Variants in SPOPL observed in about 807,000 individuals in gnomAD.
SPOPL encodes the protein speckle-type POZ protein-like.
Under a neutral mutation model 53.8 loss-of-function variants are expected in SPOPL, and 23 were observed. The observed-to-expected ratio is 0.43, with a 90% CI of 0.31 to 0.61. SPOPL has a LOEUF of 0.61. Among genes scored for constraint, SPOPL ranks in the 20% least tolerant of loss-of-function variants. SPOPL has a pLI of 0.12. For missense variants in SPOPL, 442 were observed against 466.9 expected (o/e 0.95, Z 0.49); for synonymous variants, 164 against 149.7 (o/e 1.10, Z -0.70).
chr2:138,536,889 A>T (rs1315677141), intron 1 of SPOPL, among the ~76,000 whole-genome samples: 1 of 152,218 alleles, frequency 6.6e-6, no homozygotes, highest in African/African-American at 2.4e-5. Context: ...GGAAGGAACA[A>T]TGGTATTTCT....
At chr2:138,558,622 A>C (rs188277853) in intron 5 of SPOPL, among the ~76,000 whole-genome samples, 2 of 152,158 alleles carry the variant, frequency 1.3e-5, no homozygotes, top group Non-Finnish European at 2.9e-5. Context: ...GTTTATGTAC[A>C]TATAGTAAAA....
rs1437793318 is a variant in SPOPL, at chr2:138,572,580, T to C, written c.*3500T>C. 6.6e-6 allele frequency: 1 copy of C among 152,592 alleles called. No individual in the cohort carries two copies. Among genetic ancestry groups the C allele is most frequent in the Non-Finnish European group, 1.5e-5 (1 of 68,000 alleles). 9.5% of individuals were successfully genotyped at this position (152,592 alleles called of 1,614,324 possible). A position where few individuals can be genotyped will look rare whatever the true frequency, so the allele number is the denominator to read the frequency against. ...TGAATTATTCTGACTTGGACATGCA[T>C]GCTCTTTGATGGATAAAATAAAAAT... On this transcript the variant is annotated 3_prime_UTR_variant, in exon 11 of 11. Transcript: ENST00000280098.
rs1013387499 is a variant in SPOPL at position 138,502,441 on chromosome 2, TCTC to T, written c.-61+329_-61+331del. Among the ~76,000 whole-genome samples, 6 of 152,276 alleles carry T rather than the reference TCTC, an allele frequency of 3.9e-5. No individual in the cohort carries two copies. The South Asian group carries it at 8.3e-4, about 21-fold the overall frequency. On this transcript the variant is annotated intron_variant, in intron 1 of 10. Coordinates refer to ENST00000280098, the MANE Select transcript of SPOPL (RefSeq NM_001001664.3). ...TCGCCCCTTCTTTTCCTCTGGCTTC[TCTC>T]CTCCTCTATACCTGTATACCTCCAC...
In SPOPL at chr2:138,569,058, G is replaced by T; in HGVS notation, c.1157G>T (p.Arg386Leu). Residue 386 changes from arginine to leucine, a missense_variant, in exon 11 of 11, where the codon CGC becomes CTC. Transcript: ENST00000280098. ...SAQCPQFGIP[R>L]KRLKQS ...CAGTGTCCACAGTTTGGCATTCCACGCAAACGGCTAAAACAGTCCTGAAAT... is the reference window on the plus strand; with the variant it reads ...CAGTGTCCACAGTTTGGCATTCCACTCAAACGGCTAAAACAGTCCTGAAAT... 1 of 1,613,436 alleles carries T rather than the reference G, an allele frequency of 6.2e-7. No homozygotes were observed. Among genetic ancestry groups the T allele is most frequent in the South Asian group, 1.1e-5 (1 of 90,994 alleles).
rs543249661 is a variant in SPOPL at position 138,502,594 on chromosome 2, C to A, written c.-61+475C>A. ...ACTTGAAACTCTCGTCCCTGTTAGCCCATTTTAGGCAGAGTTCTCAGCTTC... is the reference window on the plus strand; with the variant it reads ...ACTTGAAACTCTCGTCCCTGTTAGCACATTTTAGGCAGAGTTCTCAGCTTC... On this transcript the variant is annotated intron_variant, in intron 1 of 10. Transcript: ENST00000280098. 8.7e-4 allele frequency among the ~76,000 whole-genome samples: 132 copies of A among 152,276 alleles called. 1 individual carries two copies. In the Middle Eastern group the frequency reaches 0.014, roughly 16 times the overall value.
intron 1 of SPOPL, among the ~76,000 whole-genome samples, chr2:138,539,208 A>G (rs1685007071): frequency 6.7e-6 from 1 of 149,206 alleles, no homozygotes; most frequent in Non-Finnish European, 1.5e-5. Context: ...TGCAATAAAC[A>G]TATGTGTGCA....
chr2:138,528,522 G>T (rs559456536), intron 1 of SPOPL, among the ~76,000 whole-genome samples: 2 of 152,214 alleles, frequency 1.3e-5, no homozygotes, highest in Middle Eastern at 3.4e-3. Context: ...TCATCTCATT[G>T]AGTATCGTGT....
chr2:138,551,075 G>T, intron 4 of SPOPL, 21 bp downstream of exon 4: 1 of 1,611,276 alleles, frequency 6.2e-7, no homozygotes, highest in Non-Finnish European at 8.5e-7. Flanking sequence ...TGCAAACTAA[G>T]TGAAGACATT....
chr2:138,518,046 C>CAAAAAAAA (rs61662616), intron 1 of SPOPL, among the ~76,000 whole-genome samples: 1 of 67,784 alleles, frequency 1.5e-5, no homozygotes, highest in Non-Finnish European at 3.2e-5. Flanking sequence ...GAAACTGTCT[C>CAAAAAAAA]AAAAAAAAAA....
rs955023429 is a variant in SPOPL at position 138,573,393 on chromosome 2, A to G, written c.*4313A>G. 9.9e-5 allele frequency: 15 copies of G among 152,212 alleles called. No individual in the cohort carries two copies. The highest frequency in any genetic ancestry group is 1.8e-4 in the Non-Finnish European group (12 of 68,030). 9.4% of individuals were successfully genotyped at this position (152,212 alleles called of 1,614,324 possible). On this transcript the variant is annotated 3_prime_UTR_variant, in exon 11 of 11. Transcript: ENST00000280098. ...TTGTTTTTTGGAACCAATTGAAGAC[A>G]TTCTTAACTGTAAAATATTAATATG...
intron 1 of SPOPL, among the ~76,000 whole-genome samples, chr2:138,525,664 A>AAAAAAAC (rs72194555): frequency 7.8e-4 from 30 of 38,592 alleles, no homozygotes; most frequent in South Asian, 1.4e-3. Context: ...TAGAAAAAAA[A>AAAAAAAC]AAAAAAAAAA....
intron 1 of SPOPL, among the ~76,000 whole-genome samples, chr2:138,519,235 T>G (rs1459718129): frequency 6.6e-6 from 1 of 152,230 alleles, no homozygotes; most frequent in African/African-American, 2.4e-5. Flanking sequence ...CATTAATTCT[T>G]TACTAGTGGT....
intron 1 of SPOPL, among the ~76,000 whole-genome samples, chr2:138,507,182 G>A (rs934909433): frequency 2.6e-5 from 4 of 152,092 alleles, no homozygotes; most frequent in South Asian, 2.1e-4. Context: ...TTAATCTGCC[G>A]AAGTTACAAT....
At chr2:138,535,438 C>T (rs1684906887) in intron 1 of SPOPL, among the ~76,000 whole-genome samples, 2 of 150,770 alleles carry the variant, frequency 1.3e-5, no homozygotes, top group East Asian at 2.0e-4. Context: ...TTTTCCACAG[C>T]GGTTAAACCA....
intron 1 of SPOPL, among the ~76,000 whole-genome samples, chr2:138,515,373 GT>G (rs1257219424): frequency 1.3e-5 from 2 of 152,130 alleles, no homozygotes; most frequent in Non-Finnish European, 2.9e-5. Context: ...ATTCTGTGGG[GT>G]TTTGCTACAG....
intron 8 of SPOPL, among the ~76,000 whole-genome samples, chr2:138,561,698 C>T (rs1427301231): frequency 6.6e-6 from 1 of 152,088 alleles, no homozygotes; most frequent in East Asian, 1.9e-4. Context: ...ACAATAGCAG[C>T]ATCATCAGTA....
chr2:138,558,574 C>T (rs74328184), intron 5 of SPOPL, among the ~76,000 whole-genome samples: 1,726 of 151,978 alleles, frequency 0.011, 35 homozygotes, highest in African/African-American at 0.039. Context: ...ACTTTTTATA[C>T]GGTAAAAAGT....
intron 1 of SPOPL, among the ~76,000 whole-genome samples, chr2:138,540,050 G>A (rs902746643): frequency 1.1e-4 from 16 of 152,148 alleles, no homozygotes; most frequent in African/African-American, 3.4e-4. Flanking sequence ...AAGATCAGAT[G>A]GTTGTAGATA....
At chr2:138,526,752 C>T (rs1258100685) in intron 1 of SPOPL, among the ~76,000 whole-genome samples, 1 of 143,230 alleles carries the variant, frequency 7.0e-6, no homozygotes, top group Non-Finnish European at 1.5e-5. Flanking sequence ...TTTGAGACAG[C>T]GTCTCACTCT....
Sources: gnomAD v4.1 joint callset for allele counts (sites outside exome capture counted in the v4.1 genomes callset) on GRCh38, gnomAD v4.1.1 for gene constraint, MANE v1.5 for transcripts, NCBI Gene and HGNC (gene_info 2026-07-23, HGNC 2026-07-21) for gene names.